Variants in MLIP observed in about 807,000 individuals in gnomAD.
MLIP encodes the protein muscular LMNA interacting protein.
In MLIP, 79 loss-of-function variants were observed where a neutral mutation model predicts 84.8. The observed-to-expected ratio is 0.93, with a 90% confidence interval of 0.78 to 1.12. MLIP has a LOEUF of 1.12. Ranked by LOEUF, MLIP falls within the 50% of genes most tolerant of loss-of-function variation. The probability of loss-of-function intolerance (pLI) is 0.00; values close to 1 mark genes in which losing one functional copy is unlikely to be tolerated. For synonymous variants in MLIP, 504 were observed against 463.0 expected, an observed-to-expected ratio of 1.09 and a Z score of -1.14; for missense variants, 1,257 against 1,160.6, an observed-to-expected ratio of 1.08 and a Z score of -1.21.
intron 9 of MLIP, among the ~76,000 whole-genome samples, chr6:54,177,178 TCAAAAGCAAAAATTGA>T (rs1156548557): frequency 6.6e-6 from 1 of 151,948 alleles, no homozygotes; most frequent in Non-Finnish European, 1.5e-5. Flanking sequence ...AGTAATTTCA[TCAAAAGCAAAAATTGA>T]CAAATGGGAT....
Position 54,138,243 on chromosome 6 carries a change from G to T in MLIP, c.2174G>T (p.Cys725Phe). Residue 725 changes from cysteine to phenylalanine, a missense_variant, in exon 4 of 14, where the codon TGT (cysteine) becomes TTT (phenylalanine). Physicochemically the swap from Cys to Phe is radical, Grantham distance 205. Transcript: ENST00000502396. ...AGGACAGAGGAGCTGATTTCACCTT[G>T]TGCATTGTCCATGTCAACAGGCCCA... is the stretch of plus-strand genomic sequence containing the variant. Reference protein sequence around the residue: ...LTRTEELISPCALSMSTGPEN... With the variant: ...LTRTEELISPFALSMSTGPEN... The T allele has an allele frequency of 6.5e-7, 1 of 1,536,024 alleles. No individual in the cohort carries two copies. Among genetic ancestry groups the T allele is most frequent in the Non-Finnish European group, 8.7e-7 (1 of 1,146,844 alleles).
intron 1 of MLIP, among the ~76,000 whole-genome samples, chr6:54,085,473 GTAAA>G (rs923947953): frequency 1.8e-4 from 27 of 152,324 alleles, no homozygotes; most frequent in African/African-American, 5.8e-4. Flanking sequence ...CTGGCACACA[GTAAA>G]CTTTGTGTTT....
At chr6:54,208,772 C>T (rs180859762) in intron 11 of MLIP, among the ~76,000 whole-genome samples, 1 of 152,104 alleles carries the variant, frequency 6.6e-6, no homozygotes, top group Non-Finnish European at 1.5e-5. Flanking sequence ...TTTTATTTGC[C>T]AGTTTATGTA....
intron 11 of MLIP, chr6:54,215,475 C>A (rs1014291316): frequency 2.9e-6 from 3 of 1,051,022 alleles, no homozygotes; most frequent in Admixed American, 4.3e-5. Context: ...ATCTTTATTG[C>A]AGTATAATTG....
intron 1 of MLIP, among the ~76,000 whole-genome samples, chr6:54,060,620 A>T (rs1305671462): frequency 6.6e-6 from 1 of 152,174 alleles, no homozygotes; most frequent in Non-Finnish European, 1.5e-5. Flanking sequence ...TTACATTTCG[A>T]TATCTTTAGA....
intron 9 of MLIP, among the ~76,000 whole-genome samples, chr6:54,182,357 C>G (rs1776962725): frequency 6.6e-6 from 1 of 152,172 alleles, no homozygotes; most frequent in Admixed American, 6.5e-5. Context: ...AGTGCACAGA[C>G]TCTCTGTGCT....
chr6:54,261,799 G>A, intron 13 of MLIP: 1 of 894,746 alleles, frequency 1.1e-6, no homozygotes, highest in South Asian at 5.1e-5. Flanking sequence ...ATTATCAAGA[G>A]AAAAAGGCCC....
intron 1 of MLIP, among the ~76,000 whole-genome samples, chr6:54,030,188 G>C (rs976987059): frequency 5.9e-5 from 9 of 152,140 alleles, no homozygotes; most frequent in Non-Finnish European, 8.8e-5. Flanking sequence ...TTGTATTTTT[G>C]TTCTGTGAAG....
chr6:54,174,587 A>G (rs1658348672), intron 9 of MLIP, among the ~76,000 whole-genome samples: 2 of 151,888 alleles, frequency 1.3e-5, no homozygotes, highest in South Asian at 2.1e-4. Context: ...CCGATTTTAA[A>G]CTACAATTAT....
At chr6:54,087,334 C>A (rs1292106294) in intron 1 of MLIP, among the ~76,000 whole-genome samples, 1 of 152,078 alleles carries the variant, frequency 6.6e-6, no homozygotes, top group Non-Finnish European at 1.5e-5. Context: ...ACATTTATAG[C>A]AAATAGCCTT....
chr6:54,098,276 T>G (rs1768369579), intron 1 of MLIP, among the ~76,000 whole-genome samples: 1 of 145,700 alleles, frequency 6.9e-6, no homozygotes, highest in Non-Finnish European at 1.5e-5. Flanking sequence ...CACCTCCACC[T>G]CCCAAATAGC....
Position 54,136,838 on chromosome 6 carries a change from G to C in MLIP, c.769G>C (p.Glu257Gln). The change falls in exon 4 of 14, where the codon GAG becomes CAG. Residue 257 changes from glutamate to glutamine, a missense_variant. By Grantham distance (29) the Glu-to-Gln change is conservative. Transcript: ENST00000502396. ...PVNLEGASVL[E>Q]EFHTRRLDVG... ...TAACCTCGAGGGAGCCTCTGTCCTAGAGGAGTTCCACACTAGGAGGCTGGA... is the reference window on the plus strand; with the variant it reads ...TAACCTCGAGGGAGCCTCTGTCCTACAGGAGTTCCACACTAGGAGGCTGGA... The C allele has an allele frequency of 1.3e-6, 2 of 1,535,008 alleles. No homozygotes were observed. Among genetic ancestry groups the C allele is most frequent in the Non-Finnish European group, 1.7e-6 (2 of 1,145,998 alleles).
intron 5 of MLIP, among the ~76,000 whole-genome samples, chr6:54,154,081 G>A (rs904938742): frequency 1.3e-5 from 2 of 152,014 alleles, no homozygotes; most frequent in African/African-American, 2.4e-5. Flanking sequence ...TTATCAAATT[G>A]TATTTAATTA....
At chr6:54,151,439 A>C (rs576345676) in intron 5 of MLIP, among the ~76,000 whole-genome samples, 1 of 152,140 alleles carries the variant, frequency 6.6e-6, no homozygotes, top group East Asian at 1.9e-4. Context: ...CACTGAAATA[A>C]AAGGGATTTA....
chr6:54,228,568 T>C (rs576502259), intron 11 of MLIP, among the ~76,000 whole-genome samples: 5 of 143,412 alleles, frequency 3.5e-5, no homozygotes, highest in Non-Finnish European at 6.2e-5. Flanking sequence ...GAGCTGAAGA[T>C]TGGCAAAAGT....
intron 12 of MLIP, among the ~76,000 whole-genome samples, chr6:54,251,321 A>C (rs1302403096): frequency 6.6e-6 from 1 of 150,550 alleles, no homozygotes; most frequent in Non-Finnish European, 1.5e-5. Context: ...CCCTGCCAGA[A>C]TCTGAAATTT....
intron 1 of MLIP, among the ~76,000 whole-genome samples, chr6:54,050,815 G>T (rs9296735): frequency 6.6e-6 from 1 of 151,954 alleles, no homozygotes; most frequent in Non-Finnish European, 1.5e-5. Context: ...ATTCTGAAAG[G>T]CTATTAAAGA....
At chr6:54,062,093 C>T (rs1561901838) in intron 1 of MLIP, among the ~76,000 whole-genome samples, 1 of 152,180 alleles carries the variant, frequency 6.6e-6, no homozygotes, top group African/African-American at 2.4e-5. Context: ...AAGGTAATAG[C>T]ATATGGAAAC....
At chr6:54,141,858 A>C (rs938981346) in intron 4 of MLIP, among the ~76,000 whole-genome samples, 1 of 152,208 alleles carries the variant, frequency 6.6e-6, no homozygotes, top group Non-Finnish European at 1.5e-5. Context: ...CCAATTATAA[A>C]GACTCTCCAT....
Sources: gnomAD v4.1 joint callset for allele counts (sites outside exome capture counted in the v4.1 genomes callset) on GRCh38, gnomAD v4.1.1 for gene constraint, MANE v1.5 for transcripts, NCBI Gene and HGNC (gene_info 2026-07-23, HGNC 2026-07-21) for gene names.